ARSB: variants seen among roughly 807,000 people sequenced by gnomAD.
ARSB encodes N-acetylgalactosamine-4-sulfatase.
A neutral mutation model predicts 50.9 loss-of-function variants in ARSB; 41 were observed. The observed-to-expected ratio is 0.81, with a 90% CI of 0.63 to 1.04. The LOEUF is 1.04. ARSB is among the 50% of genes least tolerant of loss of function. The pLI, the probability that ARSB is intolerant of heterozygous loss-of-function variation, is 0.00. For synonymous variants in ARSB, 269 were observed against 284.8 expected (o/e 0.94, Z 0.56); for missense variants, 672 against 693.3 (o/e 0.97, Z 0.35).
chr5:78,906,897 G>A (rs1749091741), intron 4 of ARSB, among the ~76,000 whole-genome samples: 1 of 152,138 alleles, frequency 6.6e-6, no homozygotes, highest in African/African-American at 2.4e-5. Flanking sequence ...TGATACAGGA[G>A]CATACTTCAT....
chr5:78,802,388 A>C (rs567119858), intron 6 of ARSB, among the ~76,000 whole-genome samples: 2 of 152,116 alleles, frequency 1.3e-5, no homozygotes, highest in South Asian at 2.1e-4. Context: ...ATCCAAAAAA[A>C]GCAGGGATCA....
At chr5:78,796,804 C>T (rs1743190401) in intron 6 of ARSB, among the ~76,000 whole-genome samples, 1 of 152,052 alleles carries the variant, frequency 6.6e-6, no homozygotes, top group Non-Finnish European at 1.5e-5. Flanking sequence ...CAGGCACACG[C>T]CACCATGCCC....
intron 4 of ARSB, among the ~76,000 whole-genome samples, chr5:78,894,352 G>A (rs1337466667): frequency 6.6e-6 from 1 of 152,220 alleles, no homozygotes; most frequent in African/African-American, 2.4e-5. Context: ...ATGATTCCAA[G>A]TATATAATAC....
At position 78,777,953 on chromosome 5, in the gene ARSB, T is replaced by C. The variant is rs1412789974; in HGVS notation, c.*2444A>G. On this transcript the variant is annotated 3_prime_UTR_variant, in exon 8 of 8. Transcript: ENST00000264914. ...TATAGAATCAGAGAATCTAATGAAA[T>C]ACATTCTATTATGGATAAACCAAAA... The C allele has an allele frequency of 6.6e-6, 1 of 151,420 alleles. No homozygotes were observed. Among genetic ancestry groups the C allele is most frequent in the Non-Finnish European group, 1.5e-5 (1 of 67,972 alleles). The allele number at this position is 151,420 out of a possible 1,614,324, so 9.4% of individuals were successfully genotyped here. A position where few individuals can be genotyped will look rare whatever the true frequency, so the allele number is the denominator to read the frequency against.
intron 5 of ARSB, among the ~76,000 whole-genome samples, chr5:78,868,176 C>T (rs1190638560): frequency 7.1e-6 from 1 of 140,946 alleles, no homozygotes; most frequent in Non-Finnish European, 1.5e-5. Context: ...AAGACCAAAT[C>T]TACGTCTGAT....
intron 1 of ARSB, among the ~76,000 whole-genome samples, chr5:78,983,448 A>G (rs1753008040): frequency 6.6e-6 from 1 of 152,320 alleles, no homozygotes; most frequent in Non-Finnish European, 1.5e-5. Context: ...ATTCTTTTGC[A>G]ATCTGAGTTC....
chr5:78,925,082 T>G (rs542482184), intron 4 of ARSB, among the ~76,000 whole-genome samples: 23 of 152,328 alleles, frequency 1.5e-4, no homozygotes, highest in South Asian at 1.2e-3. Flanking sequence ...TGTCTGAATC[T>G]TGAGACTTGG....
intron 5 of ARSB, among the ~76,000 whole-genome samples, chr5:78,882,649 C>T (rs923251935): frequency 2.0e-5 from 3 of 150,804 alleles, no homozygotes; most frequent in African/African-American, 7.3e-5. Flanking sequence ...TCTTGGATGA[C>T]ACAATCAAAA....
intron 4 of ARSB, among the ~76,000 whole-genome samples, chr5:78,937,897 T>C (rs1373640052): frequency 6.6e-6 from 1 of 152,146 alleles, no homozygotes; most frequent in African/African-American, 2.4e-5. Context: ...AACATGAGGA[T>C]GATTCCATTT....
At chr5:78,863,020 TG>T (rs1466771513) in intron 5 of ARSB, among the ~76,000 whole-genome samples, 2 of 152,204 alleles carry the variant, frequency 1.3e-5, no homozygotes, top group African/African-American at 2.4e-5. Flanking sequence ...TCATCATCAC[TG>T]GTCATCAGAG....
intron 4 of ARSB, among the ~76,000 whole-genome samples, chr5:78,891,444 A>G (rs1748286099): frequency 6.6e-6 from 1 of 152,232 alleles, no homozygotes; most frequent in African/African-American, 2.4e-5. Flanking sequence ...CCTGGAAGAA[A>G]GAACTCACTT....
At chr5:78,963,501 T>C (rs775602282) in intron 3 of ARSB, among the ~76,000 whole-genome samples, 5 of 152,138 alleles carry the variant, frequency 3.3e-5, no homozygotes, top group Non-Finnish European at 7.4e-5. Flanking sequence ...CCCACTGAAG[T>C]ATTATTTTTA....
rs572069140 is a variant in ARSB, at chr5:78,945,169, C to T, written c.898+10126G>A. Among the ~76,000 whole-genome samples, 19 of 152,226 alleles carry T rather than the reference C, an allele frequency of 1.2e-4. No homozygotes were observed. In the South Asian group the frequency reaches 3.7e-3, roughly 30 times the overall value. ...GGGAGTGACCCGATTTTCCAGGTGC[C>T]GTCTGTCACCCCTTTCTTTGAGTAG... On this transcript the variant is annotated intron_variant, in intron 4 of 7. Coordinates refer to ENST00000264914, the MANE Select transcript of ARSB (RefSeq NM_000046.5).
At chr5:78,958,887 T>C (rs1031796672) in intron 3 of ARSB, among the ~76,000 whole-genome samples, 5 of 152,224 alleles carry the variant, frequency 3.3e-5, no homozygotes, top group African/African-American at 1.2e-4. Flanking sequence ...TAAACATACC[T>C]TTCCCAAAAG....
chr5:78,887,882 G>C lies in ARSB; in HGVS notation c.899-2055C>G, dbSNP rs139916460. Among the ~76,000 whole-genome samples the C allele has an allele frequency of 4.8e-3, 733 of 152,266 alleles. 5 individuals carry two copies. Among genetic ancestry groups the C allele is most frequent in the Non-Finnish European group, 8.8e-3 (599 of 68,014 alleles). On this transcript the variant is annotated intron_variant, in intron 4 of 7. Coordinates refer to ENST00000264914, the MANE Select transcript of ARSB (RefSeq NM_000046.5). ...CACAAGTACGGTCAACCTCAGCAAA[G>C]TGTACACTCTTCCTATGAGTGTACA...
chr5:78,938,444 T>G (rs1371586004), intron 4 of ARSB, among the ~76,000 whole-genome samples: 1 of 152,254 alleles, frequency 6.6e-6, no homozygotes, highest in Non-Finnish European at 1.5e-5. Flanking sequence ...AATTTTCCTC[T>G]ATGATAGACG....
chr5:78,967,605 G>A (rs558246537), intron 2 of ARSB, among the ~76,000 whole-genome samples: 6 of 151,692 alleles, frequency 4.0e-5, no homozygotes, highest in East Asian at 1.9e-4. Context: ...CCCGGGAGGC[G>A]GAGGTTGCAG....
At chr5:78,925,191 A>G (rs570208689) in intron 4 of ARSB, among the ~76,000 whole-genome samples, 1 of 152,352 alleles carries the variant, frequency 6.6e-6, no homozygotes, top group Admixed American at 6.5e-5. Context: ...ATCCATAGGA[A>G]CACAGTTTCT....
At chr5:78,921,184 A>T (rs748477938) in intron 4 of ARSB, among the ~76,000 whole-genome samples, 3 of 152,120 alleles carry the variant, frequency 2.0e-5, no homozygotes, top group Non-Finnish European at 2.9e-5. Flanking sequence ...TAAGATTATA[A>T]ATATTTGCAA....
Sources: gnomAD v4.1 joint callset for allele counts (sites outside exome capture counted in the v4.1 genomes callset) on GRCh38, gnomAD v4.1.1 for gene constraint, MANE v1.5 for transcripts, NCBI Gene and HGNC (gene_info 2026-07-23, HGNC 2026-07-21) for gene names.